RTL4: variants seen among roughly 807,000 people sequenced by gnomAD.
The protein encoded by RTL4 is retrotransposon Gag like 4.
A neutral mutation model predicts 5.3 loss-of-function variants in RTL4; 4 were observed. The observed-to-expected ratio is 0.75, with a 90% CI of 0.37 to 1.72. The LOEUF (loss-of-function observed/expected upper bound fraction) is 1.72, where lower values mean the gene tolerates loss of function less well. Ranked by LOEUF, RTL4 falls within the 40% of genes most tolerant of loss-of-function variation. The pLI is 0.04. For synonymous variants in RTL4, 98 were observed against 87.3 expected (o/e 1.12, Z -0.68); for missense variants, 260 against 227.1 (o/e 1.14, Z -0.93).
chrX:112,426,474 C>T, the RTL4 span, among the ~76,000 whole-genome samples: 2 of 111,539 alleles, frequency 1.8e-5, no homozygotes, highest in Non-Finnish European at 3.8e-5. Flanking sequence ...AAAGAACTGA[C>T]ATCTCGAACA....
At chrX:112,240,446 T>G in the RTL4 span, among the ~76,000 whole-genome samples, 1 of 112,066 alleles carries the variant, frequency 8.9e-6, no homozygotes, top group Non-Finnish European at 1.9e-5. Context: ...CTAGTCTGAC[T>G]TAAATGTGCT....
At chrX:112,204,278 A>G in the RTL4 span, among the ~76,000 whole-genome samples, 1 of 112,221 alleles carries the variant, frequency 8.9e-6, no homozygotes, top group African/African-American at 3.2e-5. Flanking sequence ...ATAAACTAAA[A>G]ATTGAGCTAC....
chrX:112,228,073 G>T, the RTL4 span, among the ~76,000 whole-genome samples: 2 of 111,695 alleles, frequency 1.8e-5, no homozygotes, highest in Admixed American at 1.9e-4. Context: ...GTAAGCACTT[G>T]CTGACAGGCC....
chrX:112,348,491 AACAC>A, the RTL4 span, among the ~76,000 whole-genome samples: 1 of 108,683 alleles, frequency 9.2e-6, no homozygotes, highest in African/African-American at 3.3e-5. Context: ...GACAATTAAA[AACAC>A]ACACACACAC....
chrX:112,345,011 C>T, the RTL4 span, among the ~76,000 whole-genome samples: 18 of 111,264 alleles, frequency 1.6e-4, no homozygotes, highest in Non-Finnish European at 2.3e-4. Flanking sequence ...TGGGGGAAAC[C>T]GCCCCCATGA....
At chrX:112,287,832 A>T in the RTL4 span, among the ~76,000 whole-genome samples, 2 of 112,096 alleles carry the variant, frequency 1.8e-5, no homozygotes, top group Non-Finnish European at 3.8e-5. Context: ...AGTAAAAGCT[A>T]AAAGACCACA....
the RTL4 span, among the ~76,000 whole-genome samples, chrX:112,120,300 G>A: frequency 2.7e-5 from 3 of 112,171 alleles, no homozygotes; most frequent in African/African-American, 6.5e-5. Flanking sequence ...TTTTTGAGAC[G>A]GAGTCTGGCT....
At chrX:112,140,941 C>T in the RTL4 span, among the ~76,000 whole-genome samples, 2 of 111,933 alleles carry the variant, frequency 1.8e-5, no homozygotes, top group Non-Finnish European at 3.8e-5. Flanking sequence ...GTAGTAAATT[C>T]CTTCTCTACA....
the RTL4 span, among the ~76,000 whole-genome samples, chrX:112,190,175 T>TC: frequency 1.2e-5 from 1 of 80,597 alleles, no homozygotes; most frequent in African/African-American, 4.6e-5. Context: ...TTTCTTTCTT[T>TC]CTTTCTTTCT....
chrX:112,452,282 T>C (rs1204937180), upstream of RTL4, among the ~76,000 whole-genome samples: 1 of 82,188 alleles, frequency 1.2e-5, no homozygotes, highest in African/African-American at 4.1e-5. Context: ...TTTTTTTTTT[T>C]AGTAGAGATG....
chrX:112,388,054 A>G, the RTL4 span, among the ~76,000 whole-genome samples: 62 of 112,292 alleles, frequency 5.5e-4, no homozygotes, highest in African/African-American at 2.0e-3. Context: ...ATTCATGAGC[A>G]TGGAATGTTT....
At chrX:112,156,907 AG>A in the RTL4 span, among the ~76,000 whole-genome samples, 1 of 111,398 alleles carries the variant, frequency 9.0e-6, no homozygotes, top group Non-Finnish European at 1.9e-5. Context: ...AGTGAGTAGA[AG>A]CAACTACAAA....
At chrX:112,379,802 A>G in the RTL4 span, among the ~76,000 whole-genome samples, 1 of 112,038 alleles carries the variant, frequency 8.9e-6, no homozygotes, top group East Asian at 2.8e-4. Context: ...GATATACATT[A>G]GCTGATTTTA....
At chrX:112,181,495 G>A in the RTL4 span, among the ~76,000 whole-genome samples, 1 of 111,542 alleles carries the variant, frequency 9.0e-6, no homozygotes, top group East Asian at 2.8e-4. Context: ...CTTGGTGGGG[G>A]GAAGGGGGTC....
At chrX:112,178,024 C>T in the RTL4 span, among the ~76,000 whole-genome samples, 5 of 109,649 alleles carry the variant, frequency 4.6e-5, no homozygotes, top group Non-Finnish European at 9.5e-5. Context: ...GTTTGTCAAC[C>T]CCCAGTCTAG....
At chrX:112,347,352 C>T in the RTL4 span, among the ~76,000 whole-genome samples, 13,173 of 111,233 alleles carry the variant, frequency 0.12, 1,929 homozygotes, top group African/African-American at 0.41. Flanking sequence ...ATCATTTCTT[C>T]CTTCTGGAGT....
chrX:112,437,850 G>A, the RTL4 span, among the ~76,000 whole-genome samples: 1 of 91,535 alleles, frequency 1.1e-5, no homozygotes, highest in Non-Finnish European at 2.2e-5. Flanking sequence ...GGTGGTGGTG[G>A]TGGTGGTAGA....
chrX:112,368,298 T>G, the RTL4 span, among the ~76,000 whole-genome samples: 3 of 110,909 alleles, frequency 2.7e-5, no homozygotes, highest in Non-Finnish European at 5.7e-5. Context: ...TGACAGAACA[T>G]TGTGAACGTC....
the RTL4 span, among the ~76,000 whole-genome samples, chrX:112,224,006 TC>T: frequency 9.0e-6 from 1 of 111,713 alleles, no homozygotes; most frequent in Non-Finnish European, 1.9e-5. Context: ...TCCTTTGAGG[TC>T]TCAGTATTGA....
Sources: allele counts gnomAD v4.1 joint callset (sites outside exome capture counted in the v4.1 genomes callset), GRCh38; gene constraint gnomAD v4.1.1; transcripts MANE v1.5; gene names NCBI Gene and HGNC (gene_info 2026-07-23, HGNC 2026-07-21).